The following RAPGEF1 variants were observed in gnomAD, a reference collection of about 807,000 sequenced individuals.
RAPGEF1 encodes Rap guanine nucleotide exchange factor 1.
In RAPGEF1, 33 loss-of-function variants were observed where a neutral mutation model predicts 143.3. That is an observed-to-expected ratio of 0.23 (90% CI 0.17 to 0.31). The LOEUF is 0.31. Among genes scored for constraint, RAPGEF1 ranks in the 10% least tolerant of loss-of-function variants. The pLI is 1.00. For synonymous variants in RAPGEF1, 629 were observed against 676.5 expected (o/e 0.93, Z 1.09); for missense variants, 1,199 against 1,645.4 (o/e 0.73, Z 4.69).
intron 1 of RAPGEF1, among the ~76,000 whole-genome samples, chr9:131,715,549 G>A (rs1232834812): frequency 6.6e-6 from 1 of 152,016 alleles, no homozygotes; most frequent in Non-Finnish European, 1.5e-5. Flanking sequence ...TTTCACCAAA[G>A]TCTTAAGGAG....
At position 131,577,783 on chromosome 9, in the gene RAPGEF1, C is replaced by T. The variant is rs1951365466; in HGVS notation, c.*1714G>A. On this transcript the variant is annotated 3_prime_UTR_variant, in exon 27 of 27. Transcript: ENST00000683357. ...AATAAAGTGACAGGTCCCGGCTGGC[C>T]CCGCAAGACCACCGCAAGAGGGGGT... The T allele has an allele frequency of 6.6e-6, 1 of 152,172 alleles. No individual in the cohort carries two copies. Among genetic ancestry groups the T allele is most frequent in the Admixed American group, 6.5e-5 (1 of 15,272 alleles). The allele number at this position is 152,172 out of a possible 1,614,324, so 9.4% of individuals were successfully genotyped here.
chr9:131,599,041 T>C (rs1010426780), intron 15 of RAPGEF1, among the ~76,000 whole-genome samples: 5 of 152,094 alleles, frequency 3.3e-5, no homozygotes, highest in African/African-American at 1.2e-4. Flanking sequence ...GTCAGGCTGG[T>C]CTCGAACTCC....
At position 131,616,449 on chromosome 9, in the gene RAPGEF1, A is replaced by G. The variant is rs552361554; in HGVS notation, c.2061+2602T>C. Among the ~76,000 whole-genome samples the G allele has an allele frequency of 5.9e-5, 9 of 152,196 alleles. No individual in the cohort carries two copies. In the East Asian group the frequency reaches 1.4e-3, roughly 23 times the overall value. On this transcript the variant is annotated intron_variant, in intron 12 of 26. Transcript: ENST00000683357. ...GCATGTCTTTTGCAACCCGGCCTGGAAAAGTTGATGTCCTGAGCTTGCTGA... is the reference window on the plus strand; with the variant it reads ...GCATGTCTTTTGCAACCCGGCCTGGGAAAGTTGATGTCCTGAGCTTGCTGA...
intron 1 of RAPGEF1, among the ~76,000 whole-genome samples, chr9:131,700,931 T>C (rs576401388): frequency 7.9e-5 from 12 of 152,316 alleles, no homozygotes; most frequent in Non-Finnish European, 1.3e-4. Context: ...ATAGTCTTAC[T>C]TTTGCTTCTT....
intron 1 of RAPGEF1, among the ~76,000 whole-genome samples, chr9:131,718,997 T>C (rs1258074686): frequency 6.6e-6 from 1 of 152,180 alleles, no homozygotes; most frequent in Non-Finnish European, 1.5e-5. Flanking sequence ...TTAGAGGTTG[T>C]GGCTTTTTGT....
At position 131,625,828 on chromosome 9, in the gene RAPGEF1, C is replaced by T. The variant is rs188674082; in HGVS notation, c.1702+94G>A. 91 of 1,447,660 alleles carry T rather than the reference C, an allele frequency of 6.3e-5. No individual in the cohort carries two copies. The African/African-American group carries it at 1.2e-3, about 19-fold the overall frequency. 89.7% of individuals were successfully genotyped at this position (1,447,660 alleles called of 1,614,324 possible). ...CCTATCTTTTATGAAATAATGAGGCCACTGATTTGATTCTGGTCTAATGCT... is the reference window on the plus strand; with the variant it reads ...CCTATCTTTTATGAAATAATGAGGCTACTGATTTGATTCTGGTCTAATGCT... On this transcript the variant is annotated intron_variant, in intron 10 of 26. Transcript: ENST00000683357.
Position 131,616,766 on chromosome 9 carries a change from C to T in RAPGEF1, c.2061+2285G>A, listed in dbSNP as rs917141810. Among the ~76,000 whole-genome samples, 35 of 152,146 alleles carry T rather than the reference C, an allele frequency of 2.3e-4. 1 individual carries two copies. The highest frequency in any genetic ancestry group is 3.5e-4 in the Non-Finnish European group (24 of 68,032). On this transcript the variant is annotated intron_variant, in intron 12 of 26. Transcript: ENST00000683357. ...ATGAAGAAAGTCAGGAATAAAGGGCCGCTCTGATAGTAATCCAAAGCTCTA... is the reference window on the plus strand; with the variant it reads ...ATGAAGAAAGTCAGGAATAAAGGGCTGCTCTGATAGTAATCCAAAGCTCTA...
intron 10 of RAPGEF1, among the ~76,000 whole-genome samples, chr9:131,623,351 C>T (rs1358473677): frequency 1.3e-5 from 2 of 152,136 alleles, no homozygotes; most frequent in African/African-American, 4.8e-5. Context: ...CCTATGGTCC[C>T]AGCTATTCAA....
chr9:131,737,665 C>A, intron 1 of RAPGEF1: 1 of 1,285,486 alleles, frequency 7.8e-7, no homozygotes, highest in Non-Finnish European at 1.0e-6. Context: ...GCAACTTTTT[C>A]CTTTTTTTAA....
intron 5 of RAPGEF1, among the ~76,000 whole-genome samples, chr9:131,633,623 G>A (rs1412925983): frequency 6.6e-6 from 1 of 152,154 alleles, no homozygotes; most frequent in Non-Finnish European, 1.5e-5. Context: ...AGGCACACAT[G>A]TGCAGACATG....
At chr9:131,722,218 C>T (rs1589104308) in intron 1 of RAPGEF1, among the ~76,000 whole-genome samples, 1 of 152,214 alleles carries the variant, frequency 6.6e-6, no homozygotes, top group Admixed American at 6.5e-5. Context: ...GTGGCGCTCC[C>T]ACTCACACAG....
intron 1 of RAPGEF1, among the ~76,000 whole-genome samples, chr9:131,669,154 T>C (rs540687549): frequency 6.6e-6 from 1 of 152,348 alleles, no homozygotes; most frequent in South Asian, 2.1e-4. Flanking sequence ...CCCCCACCTC[T>C]GCTGCGCTAG....
At chr9:131,637,993 C>T (rs1487271313) in intron 5 of RAPGEF1, among the ~76,000 whole-genome samples, 3 of 152,220 alleles carry the variant, frequency 2.0e-5, no homozygotes, top group Non-Finnish European at 4.4e-5. Context: ...CTGGCCCTGA[C>T]CCAAAGGCCC....
intron 1 of RAPGEF1, among the ~76,000 whole-genome samples, chr9:131,656,085 G>A (rs186099806): frequency 6.6e-6 from 1 of 152,270 alleles, no homozygotes; most frequent in Admixed American, 6.5e-5. Context: ...TTCACAAAAT[G>A]CCTGGCACAC....
intron 1 of RAPGEF1, among the ~76,000 whole-genome samples, chr9:131,711,916 G>C (rs952515826): frequency 6.6e-6 from 1 of 152,084 alleles, no homozygotes; most frequent in African/African-American, 2.4e-5. Flanking sequence ...TGTTAAACCA[G>C]GCCCTTCCTT....
At chr9:131,652,549 C>G (rs943727882) in intron 1 of RAPGEF1, among the ~76,000 whole-genome samples, 32 of 151,652 alleles carry the variant, frequency 2.1e-4, no homozygotes, top group African/African-American at 7.5e-4. Context: ...ACTTTTAAAA[C>G]TTTTCATTAA....
At chr9:131,604,345 A>G (rs534147592) in intron 13 of RAPGEF1, among the ~76,000 whole-genome samples, 82 of 152,358 alleles carry the variant, frequency 5.4e-4, no homozygotes, top group African/African-American at 1.9e-3. Context: ...CAACACATCA[A>G]GACAATCCCA....
chr9:131,739,813 G>C lies in RAPGEF1; in HGVS notation c.18C>G (p.Gly6=). ...CGGACATTTCCGGGCTGCGCCGGAGGCCGAGGCCGCCGCTCATCGGGCCCG... is the reference window on the plus strand; with the variant it reads ...CGGACATTTCCGGGCTGCGCCGGAGCCCGAGGCCGCCGCTCATCGGGCCCG... MSGGL[G]LRRSPEMSGK... The change falls in exon 1 of 27, where the codon GGC becomes GGG. Residue 6 remains glycine, a synonymous_variant. Transcript: ENST00000683357. 8.7e-7 allele frequency: 1 copy of C among 1,145,064 alleles called. No homozygotes were observed. The highest frequency in any genetic ancestry group is 1.9e-5 in the South Asian group (1 of 52,812). 70.9% of individuals were successfully genotyped at this position (1,145,064 alleles called of 1,614,324 possible).
rs952259759 is a variant in RAPGEF1 at position 131,628,961 on chromosome 9, C to T, written c.893+141G>A. The T allele has an allele frequency of 6.8e-6, 8 of 1,173,040 alleles. No homozygotes were observed. Among genetic ancestry groups the T allele is most frequent in the African/African-American group, 1.5e-5 (1 of 64,598 alleles). 72.7% of individuals were successfully genotyped at this position (1,173,040 alleles called of 1,614,324 possible). On this transcript the variant is annotated intron_variant, in intron 7 of 26. Transcript: ENST00000683357. This position sits in a 1 kb window ranked among gnomAD's most constrained non-coding sequence, Gnocchi z 5.7. ...GCTCAGGGTGGCCAGCGAGGGCCGGCGGGGTGGGGACAGCTCCAGAGTCAG... is the reference window on the plus strand; with the variant it reads ...GCTCAGGGTGGCCAGCGAGGGCCGGTGGGGTGGGGACAGCTCCAGAGTCAG...
Sources: allele counts gnomAD v4.1 joint callset (sites outside exome capture counted in the v4.1 genomes callset), GRCh38; gene constraint gnomAD v4.1.1; non-coding constraint Gnocchi (gnomAD v3.1); transcripts MANE v1.5; gene names NCBI Gene and HGNC (gene_info 2026-07-23, HGNC 2026-07-21).